SNRPB: variants seen among roughly 807,000 people sequenced by gnomAD.
SNRPB encodes small nuclear ribonucleoprotein-associated proteins B and B'.
SNRPB carries 5 observed loss-of-function variants against 26.6 expected under a neutral mutation model. The observed-to-expected ratio is 0.19, with a 90% confidence interval of 0.10 to 0.39. The LOEUF (loss-of-function observed/expected upper bound fraction) is 0.39. Ranked by LOEUF, SNRPB falls within the 10% of genes least tolerant of loss-of-function variation. The pLI, the probability that SNRPB is intolerant of heterozygous loss-of-function variation, is 1.00. For synonymous variants in SNRPB, 122 were observed against 105.8 expected (o/e 1.15, Z -0.94); for missense variants, 211 against 311.9 (o/e 0.68, Z 2.44).
chr20:2,462,884 C>A, intron 5 of SNRPB, 123 bp from the exon 6 acceptor site: 1 of 992,564 alleles, frequency 1.0e-6, no homozygotes. Flanking sequence ...CAGCAGCTCC[C>A]AGAAAACTGA....
At chr20:2,465,445 C>T (rs1039388102) in intron 3 of SNRPB, among the ~76,000 whole-genome samples, 3 of 141,420 alleles carry the variant, frequency 2.1e-5, no homozygotes, top group African/African-American at 8.1e-5. Flanking sequence ...AATGGGGTCT[C>T]GCTATATTGC....
intron 2 of SNRPB, among the ~76,000 whole-genome samples, chr20:2,466,460 G>T (rs1423220497): frequency 1.3e-5 from 2 of 152,090 alleles, no homozygotes; most frequent in African/African-American, 4.8e-5. Flanking sequence ...ACTGCAACAG[G>T]ATAGGAAAGT....
In SNRPB at chr20:2,462,623, T is replaced by C. The variant is rs1488428885; in HGVS notation, c.685+13A>G. Reference sequence around the variant, plus strand: ...TAGGGAAAGAAGCCAAAGTCACCACTGCAGGCACTTACCTCGCATCCCAGG... The same window carrying C: ...TAGGGAAAGAAGCCAAAGTCACCACCGCAGGCACTTACCTCGCATCCCAGG... On this transcript the variant is annotated intron_variant, in intron 6 of 6. Coordinates refer to ENST00000381342, the MANE Select transcript of SNRPB (RefSeq NM_003091.4). 6 of 1,612,304 alleles carry C rather than the reference T, an allele frequency of 3.7e-6. No homozygotes were observed. The highest frequency in any genetic ancestry group is 2.2e-5 in the East Asian group (1 of 44,846).
At chr20:2,466,488 C>A (rs974519144) in intron 2 of SNRPB, among the ~76,000 whole-genome samples, 19 of 151,964 alleles carry the variant, frequency 1.3e-4, no homozygotes, top group Admixed American at 7.9e-4. Context: ...AAAGCTAAAG[C>A]TAGATCCTAA....
In SNRPB at chr20:2,462,190, G is replaced by A. The variant is rs114965763; in HGVS notation, c.686-251C>T. ...TTATCTTATAGGGAAAGAACACTGG[G>A]CTTGGAGTCCAAACTCCCTGGGGGC... On this transcript the variant is annotated intron_variant, in intron 6 of 6. Coordinates refer to ENST00000381342, the MANE Select transcript of SNRPB (RefSeq NM_003091.4). 4.5e-3 allele frequency among the ~76,000 whole-genome samples: 687 copies of A among 152,274 alleles called. 3 individuals are homozygous for A. The highest frequency in any genetic ancestry group is 0.015 in the African/African-American group (608 of 41,540).
Position 2,463,092 on chromosome 20 carries a change from G to C in SNRPB, c.556C>G (p.Pro186Ala). 2 of 1,564,306 alleles carry C rather than the reference G, an allele frequency of 1.3e-6. No homozygotes were observed. Among genetic ancestry groups the C allele is most frequent in the East Asian group, 2.3e-5 (1 of 44,422 alleles). Reference sequence around the variant, plus strand: ...GGTCTCCTTATGGGCTCCTCACCTGGAGGGGGTGCTCCTCGGCCCATAGGT... The same window carrying C: ...GGTCTCCTTATGGGCTCCTCACCTGCAGGGGGTGCTCCTCGGCCCATAGGT... ...PPPMGRGAPP[P>A]GMMGPPPGMR... The change falls in exon 5 of 7, where the codon CCA becomes GCA. Residue 186 changes from proline (P) to alanine (A), a missense_variant. By Grantham distance (27) the Pro-to-Ala change is conservative (BLOSUM62 -1). Transcript: ENST00000381342. This position sits in a 1 kb window ranked among gnomAD's most constrained non-coding sequence, Gnocchi z 5.0.
chr20:2,465,323 G>C (rs1054538972), intron 3 of SNRPB, among the ~76,000 whole-genome samples: 3 of 151,682 alleles, frequency 2.0e-5, no homozygotes, highest in Admixed American at 6.6e-5. Context: ...GAAACAGGTA[G>C]AGCTTTAAAG....
At chr20:2,464,050 A>G (rs899230753) in intron 3 of SNRPB, 151 bp from the exon 4 acceptor site, 4 of 686,828 alleles carry the variant, frequency 5.8e-6, no homozygotes, top group Non-Finnish European at 1.0e-5. Flanking sequence ...TGCCAACACC[A>G]TTCTTCCTCC....
At chr20:2,469,255 A>C (rs2085096131) in intron 1 of SNRPB, among the ~76,000 whole-genome samples, 1 of 152,230 alleles carries the variant, frequency 6.6e-6, no homozygotes, top group Non-Finnish European at 1.5e-5. Context: ...GAACCTAGAC[A>C]AAATGAATCC....
In SNRPB at chr20:2,463,744, C is replaced by T. The variant is rs754023591; in HGVS notation, c.420+3G>A. The T allele has an allele frequency of 3.2e-6, 5 of 1,578,256 alleles. 1 individual carries two copies. In the South Asian group the frequency reaches 5.8e-5, roughly 18 times the overall value. ...AGGTGGTACCCTTTCCCCAACTCCTCACCTGTTGGGATGGCCCGCCAACCC... is the reference window on the plus strand; with the variant it reads ...AGGTGGTACCCTTTCCCCAACTCCTTACCTGTTGGGATGGCCCGCCAACCC... On this transcript the variant is annotated splice_donor_region_variant and intron_variant, in intron 4 of 6. Coordinates refer to ENST00000381342, the MANE Select transcript of SNRPB (RefSeq NM_003091.4). The surrounding 1 kb of genome is among the most constrained non-coding windows in gnomAD (Gnocchi z 5.0).
Position 2,461,753 on chromosome 20 carries a change from A to G in SNRPB, c.*176T>C. On this transcript the variant is annotated 3_prime_UTR_variant, in exon 7 of 7. Coordinates refer to ENST00000381342, the MANE Select transcript of SNRPB (RefSeq NM_003091.4). ...CAGGGAGCTGAGGAGGGCCAAGATGAGTCTAGGGCCTTGGTGGGCGCATTC... is the reference window on the plus strand; with the variant it reads ...CAGGGAGCTGAGGAGGGCCAAGATGGGTCTAGGGCCTTGGTGGGCGCATTC... The G allele has an allele frequency of 6.3e-7, 1 of 1,591,532 alleles. No individual in the cohort carries two copies. The highest frequency in any genetic ancestry group is 8.6e-7 in the Non-Finnish European group (1 of 1,168,584).
intron 3 of SNRPB, 70 bp downstream of exon 3, chr20:2,465,638 A>T: frequency 9.6e-7 from 1 of 1,039,026 alleles, no homozygotes. Flanking sequence ...GCAATGAAAC[A>T]GAATCTAACA....
In SNRPB at chr20:2,461,681, G is replaced by T; in HGVS notation, c.*248C>A. The T allele has an allele frequency of 9.8e-7, 1 of 1,023,500 alleles. No individual in the cohort carries two copies. Among genetic ancestry groups the T allele is most frequent in the Non-Finnish European group, 1.4e-6 (1 of 698,258 alleles). The allele number at this position is 1,023,500 out of a possible 1,614,324, so 63.4% of individuals were successfully genotyped here. A position where few individuals can be genotyped will look rare whatever the true frequency, so the allele number is the denominator to read the frequency against. On this transcript the variant is annotated 3_prime_UTR_variant, in exon 7 of 7. Coordinates refer to ENST00000381342, the MANE Select transcript of SNRPB (RefSeq NM_003091.4). ...GAGTTTATTATAAACCAGTTTCATA[G>T]GCCACAAGGAGATAAAAGGACTATG... is the stretch of plus-strand genomic sequence containing the variant.
In SNRPB at chr20:2,467,621, C is replaced by T; in HGVS notation, c.141G>A (p.Glu47=). Residue 47 remains glutamate (E), a synonymous_variant, in exon 2 of 7, where the codon GAG becomes GAA. Coordinates refer to ENST00000381342, the MANE Select transcript of SNRPB (RefSeq NM_003091.4). The part of the protein sequence containing the change: ...HMNLILCDCD[E]FRKIKPKNSK... Reference sequence around the variant, plus strand: ...CCACTCCTCACTTGATCTTTCTGAACTCATCACAGTCACAGAGGATCAAAT... The same window carrying T: ...CCACTCCTCACTTGATCTTTCTGAATTCATCACAGTCACAGAGGATCAAAT... 3 of 1,614,138 alleles carry T rather than the reference C, an allele frequency of 1.9e-6. No individual in the cohort carries two copies. The South Asian group carries it at 3.3e-5, about 18-fold the overall frequency.
intron 1 of SNRPB, among the ~76,000 whole-genome samples, chr20:2,469,509 T>G (rs1160258900): frequency 6.6e-6 from 1 of 152,044 alleles, no homozygotes; most frequent in African/African-American, 2.4e-5. Context: ...CTGGCCAACA[T>G]GGTGAAACCC....
chr20:2,465,665 G>GTAGGGCC (rs1568463858), intron 3 of SNRPB, 43 bp downstream of exon 3: 4 of 1,328,946 alleles, frequency 3.0e-6, no homozygotes, highest in Non-Finnish European at 3.3e-6. Flanking sequence ...CTGGCTCACA[G>GTAGGGCC]TAGGGCCTCC....
At position 2,461,912 on chromosome 20, in the gene SNRPB, T is replaced by G. The variant is rs961113457; in HGVS notation, c.*17A>C. On this transcript the variant is annotated 3_prime_UTR_variant, in exon 7 of 7. Coordinates refer to ENST00000381342, the MANE Select transcript of SNRPB (RefSeq NM_003091.4). ...CCACGCCTCTGCGGAGCTACTTCCA[T>G]ACTCTGTGGCCAAGGGTCAAAGAAG... 1.9e-6 allele frequency: 3 copies of G among 1,613,626 alleles called. No homozygotes were observed. In the Admixed American group the frequency reaches 5.0e-5, roughly 27 times the overall value.
chr20:2,465,434 G>A (rs890341149), intron 3 of SNRPB, among the ~76,000 whole-genome samples: 3 of 139,582 alleles, frequency 2.1e-5, no homozygotes, highest in African/African-American at 5.5e-5. Context: ...TTTTTCTGGA[G>A]AATGGGGTCT....
At chr20:2,466,429 A>T (rs1176346708) in intron 2 of SNRPB, among the ~76,000 whole-genome samples, 4 of 152,214 alleles carry the variant, frequency 2.6e-5, no homozygotes, top group Non-Finnish European at 5.9e-5. Context: ...AACAAAATAT[A>T]AATGTGAAGT....
Sources: allele counts gnomAD v4.1 joint callset (sites outside exome capture counted in the v4.1 genomes callset), GRCh38; gene constraint gnomAD v4.1.1; non-coding constraint Gnocchi (gnomAD v3.1); transcripts MANE v1.5; gene names NCBI Gene and HGNC (gene_info 2026-07-23, HGNC 2026-07-21).